Variants in RPGRIP1L observed in about 807,000 individuals in gnomAD.
RPGRIP1L encodes the protein protein fantom.
A neutral mutation model predicts 160.4 loss-of-function variants in RPGRIP1L; 131 were observed. That is an observed-to-expected ratio of 0.82 (90% confidence interval 0.71 to 0.94). The LOEUF (loss-of-function observed/expected upper bound fraction) is 0.94. RPGRIP1L is among the 40% of genes least tolerant of loss of function. The pLI is 0.00. For synonymous variants in RPGRIP1L, 510 were observed against 515.8 expected (o/e 0.99, Z 0.15); for missense variants, 1,522 against 1,535.8 (o/e 0.99, Z 0.15).
At position 53,703,829 on chromosome 16, in the gene RPGRIP1L, C is replaced by T. The variant is rs1971756566; in HGVS notation, c.-34G>A. 8 of 441,422 alleles carry T rather than the reference C, an allele frequency of 1.8e-5. No individual in the cohort carries two copies. In the Admixed American group the frequency reaches 2.4e-4, roughly 13 times the overall value. The allele number at this position is 441,422 out of a possible 1,614,324, so 27.3% of individuals were successfully genotyped here. A position where few individuals can be genotyped will look rare whatever the true frequency, so the allele number is the denominator to read the frequency against. ...GTGCCACTGGCCCTGCAGCTAGCTA[C>T]CGTTGCTATAGCGCCGACAGCGTGG... On this transcript the variant is annotated 5_prime_UTR_variant, in exon 1 of 27. Transcript: ENST00000647211.
intron 7 of RPGRIP1L, 25 bp from the exon 8 acceptor site, chr16:53,673,041 C>A: frequency 6.2e-7 from 1 of 1,600,674 alleles, no homozygotes; most frequent in South Asian, 1.1e-5. Flanking sequence ...GAACATCTTT[C>A]AAACATTATT....
chr16:53,700,754 T>A, intron 1 of RPGRIP1L, 24 bp from the exon 2 acceptor site: 1 of 1,559,708 alleles, frequency 6.4e-7, no homozygotes, highest in Non-Finnish European at 8.8e-7. Flanking sequence ...AAAATTCAAA[T>A]AAACTCTTTC....
intron 24 of RPGRIP1L, among the ~76,000 whole-genome samples, chr16:53,615,685 GCT>G (rs1964332057): frequency 6.6e-6 from 1 of 151,694 alleles, no homozygotes; most frequent in African/African-American, 2.4e-5. Context: ...TGTTGGTCAG[GCT>G]GGTCTCAAAC....
rs760404349 is a variant in RPGRIP1L, at chr16:53,663,872, A to G, written c.1243+998T>C. ...GAAATTTAAAAATGCCATCACTTAT[A>G]AGATGCAACTCAATATTAGAGATGT... On this transcript the variant is annotated intron_variant, in intron 10 of 26. Transcript: ENST00000647211. Among the ~76,000 whole-genome samples, 4 of 152,204 alleles carry G rather than the reference A, an allele frequency of 2.6e-5. No individual in the cohort carries two copies. The South Asian group carries it at 8.3e-4, about 31-fold the overall frequency.
At chr16:53,602,361 G>A (rs184479372) in intron 26 of RPGRIP1L, among the ~76,000 whole-genome samples, 173 bp from the exon 27 acceptor site, 15 of 152,312 alleles carry the variant, frequency 9.8e-5, no homozygotes, top group Admixed American at 6.5e-4. Flanking sequence ...ATGGAGATGT[G>A]CATTTGAGAC....
intron 9 of RPGRIP1L, among the ~76,000 whole-genome samples, chr16:53,670,364 G>A (rs1968612137): frequency 6.6e-6 from 1 of 152,192 alleles, no homozygotes. Flanking sequence ...ACCAGAAGTA[G>A]TAGCTGTTGA....
At chr16:53,679,841 G>A (rs573603622) in intron 6 of RPGRIP1L, among the ~76,000 whole-genome samples, 1 of 152,150 alleles carries the variant, frequency 6.6e-6, no homozygotes, top group Non-Finnish European at 1.5e-5. Flanking sequence ...GTTGTTTAAA[G>A]GCAGGGAATC....
chr16:53,604,133 G>A (rs757922824), intron 26 of RPGRIP1L, among the ~76,000 whole-genome samples: 1 of 152,172 alleles, frequency 6.6e-6, no homozygotes, highest in Non-Finnish European at 1.5e-5. Context: ...CTTTTTCTCT[G>A]TGCCAAAGTT....
chr16:53,605,692 T>G, intron 25 of RPGRIP1L, 78 bp from the exon 26 acceptor site: 1 of 1,423,978 alleles, frequency 7.0e-7, no homozygotes, highest in South Asian at 1.1e-5. Flanking sequence ...AAATGGGGTG[T>G]TATCACTAGG....
At chr16:53,611,295 G>C (rs1964018182) in intron 24 of RPGRIP1L, among the ~76,000 whole-genome samples, 1 of 152,210 alleles carries the variant, frequency 6.6e-6, no homozygotes, top group Non-Finnish European at 1.5e-5. Flanking sequence ...CAACATCTAA[G>C]AGTGCCACAT....
intron 23 of RPGRIP1L, among the ~76,000 whole-genome samples, chr16:53,621,846 A>T (rs908375919): frequency 6.8e-6 from 1 of 147,242 alleles, no homozygotes; most frequent in African/African-American, 2.5e-5. Context: ...ATATGGTGAA[A>T]CCCCGTCTCT....
intron 24 of RPGRIP1L, among the ~76,000 whole-genome samples, chr16:53,611,368 C>T (rs1309588153): frequency 6.6e-6 from 1 of 152,180 alleles, no homozygotes; most frequent in Non-Finnish European, 1.5e-5. Context: ...GTCTTTATTG[C>T]TTTGTATTTG....
intron 2 of RPGRIP1L, 114 bp from the exon 3 acceptor site, chr16:53,696,409 A>G (rs1970762833): frequency 3.9e-6 from 4 of 1,038,294 alleles, no homozygotes; most frequent in Middle Eastern, 2.1e-4. Context: ...TTTGTGACCT[A>G]CAGTTAAGAT....
intron 17 of RPGRIP1L, among the ~76,000 whole-genome samples, chr16:53,641,695 T>A (rs1966234074): frequency 6.6e-6 from 1 of 152,188 alleles, no homozygotes; most frequent in African/African-American, 2.4e-5. Flanking sequence ...GACAGGCTCA[T>A]CTCTCAAGTA....
At chr16:53,628,983 GGT>G (rs35864942) in intron 22 of RPGRIP1L, among the ~76,000 whole-genome samples, 1 of 151,472 alleles carries the variant, frequency 6.6e-6, no homozygotes, top group Non-Finnish European at 1.5e-5. Context: ...CCATAGAAAT[GGT>G]GTGTGTGTGT....
chr16:53,663,465 C>T (rs1479935670), intron 10 of RPGRIP1L, among the ~76,000 whole-genome samples: 3 of 151,868 alleles, frequency 2.0e-5, no homozygotes, highest in Non-Finnish European at 4.4e-5. Flanking sequence ...ATTTCCTTTC[C>T]GTTTAAGAAT....
chr16:53,661,106 C>T (rs1830995033), intron 10 of RPGRIP1L, among the ~76,000 whole-genome samples: 1 of 151,368 alleles, frequency 6.6e-6, no homozygotes, highest in Non-Finnish European at 1.5e-5. Context: ...CCAGCCTAGT[C>T]AACATGGTGA....
chr16:53,687,238 CAT>C (rs1177128881), intron 5 of RPGRIP1L, among the ~76,000 whole-genome samples: 1 of 152,104 alleles, frequency 6.6e-6, no homozygotes, highest in Non-Finnish European at 1.5e-5. Flanking sequence ...TTTCTTTTCT[CAT>C]GAAGTATTGT....
chr16:53,698,825 C>T (rs1203573830), intron 2 of RPGRIP1L, among the ~76,000 whole-genome samples: 1 of 148,860 alleles, frequency 6.7e-6, no homozygotes, highest in Non-Finnish European at 1.5e-5. Flanking sequence ...GGCGCCTCTG[C>T]CCGGCCGCCC....
Sources: gnomAD v4.1 joint callset for allele counts (sites outside exome capture counted in the v4.1 genomes callset) on GRCh38, gnomAD v4.1.1 for gene constraint, MANE v1.5 for transcripts, NCBI Gene and HGNC (gene_info 2026-07-23, HGNC 2026-07-21) for gene names.